The following FAM91A1 variants were observed in gnomAD, a reference collection of about 807,000 sequenced individuals.
The protein encoded by FAM91A1 is family with sequence similarity 91 member A1.
A neutral mutation model predicts 113.5 loss-of-function variants in FAM91A1; 41 were observed. The ratio of observed to expected loss-of-function variants is 0.36; its 90% CI spans 0.28 to 0.47. The LOEUF (loss-of-function observed/expected upper bound fraction) is 0.47, where lower values mean the gene tolerates loss of function less well. Ranked by LOEUF, FAM91A1 falls within the 20% of genes least tolerant of loss-of-function variation. The pLI is 1.00. For synonymous variants in FAM91A1, 307 were observed against 347.9 expected, an observed-to-expected ratio of 0.88 and a Z score of 1.31; for missense variants, 696 against 1,001.2, an observed-to-expected ratio of 0.70 and a Z score of 4.11.
At chr8:123,778,191 A>C in intron 5 of FAM91A1, 99 bp downstream of exon 5, 1 of 838,424 alleles carries the variant, frequency 1.2e-6, no homozygotes, top group Non-Finnish European at 1.9e-6. Context: ...CTTTGACCAA[A>C]TAAAATGTAC....
At chr8:123,776,529 C>T (rs575435094) in intron 3 of FAM91A1, among the ~76,000 whole-genome samples, 1 of 152,318 alleles carries the variant, frequency 6.6e-6, no homozygotes, top group Admixed American at 6.5e-5. Flanking sequence ...ACCAGGGTAG[C>T]ATAATGAAGG....
At chr8:123,805,014 G>C (rs1320914438) in intron 18 of FAM91A1, among the ~76,000 whole-genome samples, 1 of 152,124 alleles carries the variant, frequency 6.6e-6, no homozygotes, top group African/African-American at 2.4e-5. Flanking sequence ...GCTAACACCT[G>C]ATTTGCCTGT....
chr8:123,797,269 T>C (rs1210568767), intron 15 of FAM91A1, among the ~76,000 whole-genome samples: 2 of 152,192 alleles, frequency 1.3e-5, no homozygotes, highest in Non-Finnish European at 2.9e-5. Flanking sequence ...CACTCTTCTA[T>C]GATACAGACA....
At chr8:123,774,220 G>A (rs1426784011) in intron 2 of FAM91A1, 56 bp downstream of exon 2, 3 of 1,349,022 alleles carry the variant, frequency 2.2e-6, no homozygotes, top group South Asian at 2.7e-5. Flanking sequence ...TTTCACATTC[G>A]TAAATCTTTC....
rs1365316448 is a variant in FAM91A1, at chr8:123,778,773, G to A, written c.549+1G>A. 1.4e-6 allele frequency: 2 copies of A among 1,480,974 alleles called. No homozygotes were observed. The highest frequency in any genetic ancestry group is 1.8e-6 in the Non-Finnish European group (2 of 1,111,762). 91.7% of individuals were successfully genotyped at this position (1,480,974 alleles called of 1,614,324 possible). On this transcript the variant is annotated splice_donor_variant, in intron 6 of 23. Coordinates refer to ENST00000334705, the MANE Select transcript of FAM91A1 (RefSeq NM_144963.4). LOFTEE classifies it high-confidence loss of function. ...CTATATCACAGAAGATGACATCAAG[G>A]TAGAAATCTTTAAAAGTTAAACATA...
intron 1 of FAM91A1, among the ~76,000 whole-genome samples, chr8:123,772,158 A>C (rs1814862063): frequency 6.6e-6 from 1 of 152,164 alleles, no homozygotes. Flanking sequence ...GGGTTTTAGA[A>C]ATTTGTGTTC....
chr8:123,773,107 C>G (rs1187769392), intron 1 of FAM91A1, among the ~76,000 whole-genome samples: 1 of 152,160 alleles, frequency 6.6e-6, no homozygotes. Flanking sequence ...TAAAATGGGA[C>G]ACATCATGTT....
chr8:123,802,219 T>G (rs938478081), intron 18 of FAM91A1, among the ~76,000 whole-genome samples: 18 of 152,108 alleles, frequency 1.2e-4, no homozygotes, highest in Non-Finnish European at 1.5e-5. Context: ...TGTAGTAGTT[T>G]AGATAAGAGA....
At position 123,775,199 on chromosome 8, in the gene FAM91A1, C is replaced by T; in HGVS notation, c.210C>T (p.Tyr70=). 2 of 1,613,544 alleles carry T rather than the reference C, an allele frequency of 1.2e-6. No individual in the cohort carries two copies. The highest frequency in any genetic ancestry group is 1.1e-5 in the South Asian group (1 of 91,020). ...ERRYYEELLK[Y]SRDHLMLYPY... ...GATACTATGAGGAACTGCTAAAGTA[C>T]AGCCGAGATCATCTCATGCTGTACC... Residue 70 remains tyrosine (Y), a synonymous_variant, in exon 3 of 24, where the codon TAC becomes TAT. Transcript: ENST00000334705.
At chr8:123,770,053 A>G (rs1277736062) in intron 1 of FAM91A1, among the ~76,000 whole-genome samples, 2 of 152,106 alleles carry the variant, frequency 1.3e-5, no homozygotes, top group Non-Finnish European at 2.9e-5. Context: ...CTTGGGTTCA[A>G]GCGATTCTCC....
At chr8:123,796,360 T>C (rs559699132) in intron 15 of FAM91A1, among the ~76,000 whole-genome samples, 1 of 152,234 alleles carries the variant, frequency 6.6e-6, no homozygotes, top group Non-Finnish European at 1.5e-5. Flanking sequence ...TGGAGAAAAC[T>C]GTCTAGATGT....
intron 7 of FAM91A1, 40 bp downstream of exon 7, chr8:123,780,115 A>C (rs1269467191): frequency 6.4e-7 from 1 of 1,567,076 alleles, no homozygotes; most frequent in Admixed American, 1.8e-5. Flanking sequence ...CAACATAAAA[A>C]CTTGTTTTAA....
chr8:123,801,624 C>T lies in FAM91A1; in HGVS notation c.1809+1739C>T, dbSNP rs541549544. On this transcript the variant is annotated intron_variant, in intron 18 of 23. Coordinates refer to ENST00000334705, the MANE Select transcript of FAM91A1 (RefSeq NM_144963.4). ...GCATAAGCACTCAGTTTCAGTTTAT[C>T]GAATAGAATTACATATAGTGGAAGA... Among the ~76,000 whole-genome samples the T allele has an allele frequency of 5.3e-5, 8 of 152,258 alleles. No individual in the cohort carries two copies. In the East Asian group the frequency reaches 5.8e-4, roughly 11 times the overall value.
At chr8:123,786,447 A>G in intron 11 of FAM91A1, 48 bp from the exon 12 acceptor site, 4 of 1,268,584 alleles carry the variant, frequency 3.2e-6, no homozygotes, top group Non-Finnish European at 4.6e-6. Context: ...TTTTAATGTA[A>G]GGTCATTTAT....
chr8:123,769,447 G>T (rs1814786886), intron 1 of FAM91A1, among the ~76,000 whole-genome samples: 3 of 152,180 alleles, frequency 2.0e-5, no homozygotes, highest in African/African-American at 7.2e-5. Context: ...TGGAAAAGTG[G>T]TCAGGGCCAG....
rs777219788 is a variant in FAM91A1, at chr8:123,785,736, A to G, written c.957A>G (p.Arg319=). ...SSWKNVPSVN[R]LKSTLDPQKM... ...GGAAGAATGTTCCATCCGTAAACAGATTAAAGTAACTTAAATTTATTCAGT... is the reference window on the plus strand; with the variant it reads ...GGAAGAATGTTCCATCCGTAAACAGGTTAAAGTAACTTAAATTTATTCAGT... The change falls in exon 11 of 24, where the codon AGA becomes AGG. Residue 319 remains arginine, a synonymous_variant. Coordinates refer to ENST00000334705, the MANE Select transcript of FAM91A1 (RefSeq NM_144963.4). 1 of 1,570,840 alleles carries G rather than the reference A, an allele frequency of 6.4e-7. No individual in the cohort carries two copies. Among genetic ancestry groups the G allele is most frequent in the Non-Finnish European group, 8.6e-7 (1 of 1,162,894 alleles).
chr8:123,769,550 GT>G (rs1814789099), intron 1 of FAM91A1, among the ~76,000 whole-genome samples: 1 of 152,144 alleles, frequency 6.6e-6, no homozygotes, highest in Non-Finnish European at 1.5e-5. Context: ...GTGACATGAG[GT>G]TTTTGAAAGT....
chr8:123,778,801 AT>A, intron 6 of FAM91A1, 29 bp downstream of exon 6: 1 of 1,337,442 alleles, frequency 7.5e-7, no homozygotes, highest in Non-Finnish European at 9.8e-7. Flanking sequence ...TAAACATAGA[AT>A]TTTTATTTTT....
intron 15 of FAM91A1, 70 bp downstream of exon 15, chr8:123,789,815 A>G (rs1815341819): frequency 1.3e-6 from 2 of 1,532,290 alleles, no homozygotes; most frequent in Admixed American, 1.9e-5. Flanking sequence ...TAAACAGATC[A>G]TGCTCACTTA....
Sources: gnomAD v4.1 joint callset for allele counts (sites outside exome capture counted in the v4.1 genomes callset) on GRCh38, gnomAD v4.1.1 for gene constraint, MANE v1.5 for transcripts, NCBI Gene and HGNC (gene_info 2026-07-23, HGNC 2026-07-21) for gene names.